Variants in GALNTL6 observed in about 807,000 individuals in gnomAD.
GALNTL6 encodes polypeptide N-acetylgalactosaminyltransferase-like 6.
GALNTL6 carries 46 observed loss-of-function variants against 73.7 expected under a neutral mutation model. The ratio of observed to expected loss-of-function variants is 0.62; its 90% confidence interval spans 0.49 to 0.80. GALNTL6 has a LOEUF of 0.80. GALNTL6 is among the 30% of genes least tolerant of loss of function. The pLI is 0.00. For synonymous variants in GALNTL6, 259 were observed against 263.7 expected (o/e 0.98, Z 0.17); for missense variants, 604 against 755.0 (o/e 0.80, Z 2.34).
intron 3 of GALNTL6, among the ~76,000 whole-genome samples, chr4:172,238,891 G>A (rs1737327345): frequency 1.3e-5 from 2 of 152,110 alleles, no homozygotes; most frequent in East Asian, 1.9e-4. Context: ...CTCTTTATGT[G>A]ATGAATCACA....
At chr4:172,658,025 C>CT (rs1047660366) in intron 5 of GALNTL6, among the ~76,000 whole-genome samples, 2 of 145,036 alleles carry the variant, frequency 1.4e-5, no homozygotes, top group African/African-American at 5.1e-5. Flanking sequence ...TGGCGGGCGC[C>CT]TGTAGTCCCA....
At chr4:172,959,686 C>G (rs1308761578) in intron 10 of GALNTL6, among the ~76,000 whole-genome samples, 1 of 152,046 alleles carries the variant, frequency 6.6e-6, no homozygotes, top group African/African-American at 2.4e-5. Context: ...AGCCTTGGGC[C>G]AGAGTTCCAG....
chr4:172,629,204 G>T (rs1034799017), intron 5 of GALNTL6, among the ~76,000 whole-genome samples: 1 of 151,964 alleles, frequency 6.6e-6, no homozygotes. Flanking sequence ...TTTAATTTGT[G>T]GTTCATCAAG....
intron 2 of GALNTL6, among the ~76,000 whole-genome samples, chr4:172,196,242 A>G (rs1314058943): frequency 6.6e-6 from 1 of 152,116 alleles, no homozygotes; most frequent in Non-Finnish European, 1.5e-5. Context: ...CCAAGACTGA[A>G]ATACGAAGAA....
chr4:172,063,773 T>G (rs926837856), intron 2 of GALNTL6, among the ~76,000 whole-genome samples: 2 of 152,190 alleles, frequency 1.3e-5, no homozygotes, highest in African/African-American at 2.4e-5. Flanking sequence ...ATATCATTTT[T>G]ATTGTTCTTA....
intron 2 of GALNTL6, among the ~76,000 whole-genome samples, chr4:171,976,743 G>A (rs899957730): frequency 3.3e-5 from 5 of 152,136 alleles, no homozygotes; most frequent in Admixed American, 3.3e-4. Flanking sequence ...CTTAGACATC[G>A]TGAACCCATG....
chr4:172,314,548 A>C (rs1418150829), intron 4 of GALNTL6, among the ~76,000 whole-genome samples: 1 of 151,474 alleles, frequency 6.6e-6, no homozygotes, highest in Non-Finnish European at 1.5e-5. Flanking sequence ...ACATTCTAGT[A>C]CACAATGAAG....
chr4:172,843,700 A>G (rs1449073455), intron 7 of GALNTL6, among the ~76,000 whole-genome samples: 1 of 152,244 alleles, frequency 6.6e-6, no homozygotes, highest in Non-Finnish European at 1.5e-5. Flanking sequence ...TATGGAATGC[A>G]TCACAAAAGA....
intron 5 of GALNTL6, among the ~76,000 whole-genome samples, chr4:172,569,554 G>A (rs1579198569): frequency 6.6e-6 from 1 of 152,174 alleles, no homozygotes; most frequent in Non-Finnish European, 1.5e-5. Flanking sequence ...TTACCGCTCT[G>A]TCTTCCTCTC....
chr4:171,884,292 T>C lies in GALNTL6; in HGVS notation c.138+69574T>C, dbSNP rs534979002. Reference sequence around the variant, plus strand: ...GATCTCATGCTTAGACTCAACATTTTTTAATAGGAAGAATAAAGAAAAGTA... The same window carrying C: ...GATCTCATGCTTAGACTCAACATTTCTTAATAGGAAGAATAAAGAAAAGTA... On this transcript the variant is annotated intron_variant, in intron 2 of 12. Coordinates refer to ENST00000506823, the MANE Select transcript of GALNTL6 (RefSeq NM_001034845.3). Among the ~76,000 whole-genome samples, 14 of 152,306 alleles carry C rather than the reference T, an allele frequency of 9.2e-5. No homozygotes were observed. In the South Asian group the frequency reaches 2.9e-3, roughly 32 times the overall value.
At chr4:172,897,058 G>T (rs574676304) in intron 8 of GALNTL6, among the ~76,000 whole-genome samples, 3 of 152,168 alleles carry the variant, frequency 2.0e-5, no homozygotes, top group South Asian at 2.1e-4. Context: ...CCATCTCCTT[G>T]GTTCAGAAAG....
chr4:172,751,173 A>T lies in GALNTL6; in HGVS notation c.554-58188A>T, dbSNP rs1737400514. Among the ~76,000 whole-genome samples the T allele has an allele frequency of 2.0e-5, 3 of 152,350 alleles. No homozygotes were observed. The South Asian group carries it at 6.2e-4, about 32-fold the overall frequency. On this transcript the variant is annotated intron_variant, in intron 5 of 12. Coordinates refer to ENST00000506823, the MANE Select transcript of GALNTL6 (RefSeq NM_001034845.3). ...GTGATAGAAACAAAATTAGCACAGCACTTCACTGAGAATGAAACAGGAGAG... is the reference window on the plus strand; with the variant it reads ...GTGATAGAAACAAAATTAGCACAGCTCTTCACTGAGAATGAAACAGGAGAG...
At chr4:172,662,045 C>T (rs954203708) in intron 5 of GALNTL6, among the ~76,000 whole-genome samples, 1 of 152,166 alleles carries the variant, frequency 6.6e-6, no homozygotes, top group Non-Finnish European at 1.5e-5. Flanking sequence ...CACTTGGGAG[C>T]TACTTAGAAC....
chr4:172,454,589 T>C (rs1236469935), intron 5 of GALNTL6, among the ~76,000 whole-genome samples: 1 of 152,206 alleles, frequency 6.6e-6, no homozygotes, highest in African/African-American at 2.4e-5. Context: ...CTACTAGTTA[T>C]GGAAAGATTA....
chr4:172,854,593 T>C (rs548725376), intron 7 of GALNTL6, among the ~76,000 whole-genome samples: 2 of 152,212 alleles, frequency 1.3e-5, no homozygotes. Flanking sequence ...AATTTTCCCA[T>C]CTCCCAAAAG....
intron 5 of GALNTL6, among the ~76,000 whole-genome samples, chr4:172,412,418 T>G (rs1744477661): frequency 1.3e-5 from 2 of 152,156 alleles, no homozygotes; most frequent in African/African-American, 4.8e-5. Flanking sequence ...TGGCTCTCTG[T>G]GGTTCTTTTA....
chr4:172,682,424 A>G (rs1458990949), intron 5 of GALNTL6, among the ~76,000 whole-genome samples: 2 of 152,188 alleles, frequency 1.3e-5, no homozygotes, highest in Admixed American at 6.5e-5. Context: ...AGATAACACT[A>G]TAAGAAAGAG....
At chr4:172,046,005 T>C (rs1421655702) in intron 2 of GALNTL6, among the ~76,000 whole-genome samples, 1 of 152,054 alleles carries the variant, frequency 6.6e-6, no homozygotes, top group Non-Finnish European at 1.5e-5. Context: ...ATACCATCCA[T>C]GTCTTGCAAA....
chr4:172,911,682 T>C (rs1747210185), intron 8 of GALNTL6, among the ~76,000 whole-genome samples: 1 of 152,212 alleles, frequency 6.6e-6, no homozygotes, highest in African/African-American at 2.4e-5. Flanking sequence ...GCTAAATGTC[T>C]CACCAGCCAG....
Sources: gnomAD v4.1 joint callset for allele counts (sites outside exome capture counted in the v4.1 genomes callset) on GRCh38, gnomAD v4.1.1 for gene constraint, MANE v1.5 for transcripts, NCBI Gene and HGNC (gene_info 2026-07-23, HGNC 2026-07-21) for gene names.